PKD2L1: variants seen among roughly 807,000 people sequenced by gnomAD.
PKD2L1 encodes polycystin 2 like 1, transient receptor potential cation channel.
In PKD2L1, 77 loss-of-function variants were observed where a neutral mutation model predicts 93.0. The ratio of observed to expected loss-of-function variants is 0.83; its 90% CI spans 0.69 to 1.00. PKD2L1 has a LOEUF of 1.00. Among genes scored for constraint, PKD2L1 ranks in the 50% least tolerant of loss-of-function variants. PKD2L1 has a pLI of 0.00. For missense variants in PKD2L1, 977 were observed against 990.9 expected (o/e 0.99, Z 0.19); for synonymous variants, 390 against 388.0 (o/e 1.01, Z -0.06).
chr10:100,311,328 G>A (rs1848928508), intron 2 of PKD2L1, among the ~76,000 whole-genome samples: 1 of 152,040 alleles, frequency 6.6e-6, no homozygotes, highest in Non-Finnish European at 1.5e-5. Flanking sequence ...GTTCTTAATT[G>A]TAGTTCTAAC....
chr10:100,311,705 G>A (rs1271099250), intron 2 of PKD2L1, among the ~76,000 whole-genome samples: 2 of 152,102 alleles, frequency 1.3e-5, no homozygotes, highest in Non-Finnish European at 2.9e-5. Context: ...GAACACAGTT[G>A]TCCTTTCCAA....
In PKD2L1 at chr10:100,305,705, C is replaced by T. The variant is rs567538197; in HGVS notation, c.350-5987G>A. On this transcript the variant is annotated intron_variant, in intron 2 of 15. Transcript: ENST00000318222. ...TCAGTCTCTCTAATAAGTCATCCGT[C>T]GAGAGCATCAGATGGGCATCAGGCA... 3.3e-5 allele frequency among the ~76,000 whole-genome samples: 5 copies of T among 152,194 alleles called. No individual in the cohort carries two copies. The East Asian group carries it at 5.8e-4, about 18-fold the overall frequency.
chr10:100,297,731 T>A, intron 4 of PKD2L1, 125 bp from the exon 5 acceptor site: 1 of 620,092 alleles, frequency 1.6e-6, no homozygotes, highest in Admixed American at 2.8e-5. Flanking sequence ...TGTGTGTGTG[T>A]GTGTGTGTGT....
At chr10:100,289,568 A>T (rs1589657433) in intron 14 of PKD2L1, among the ~76,000 whole-genome samples, 2 of 151,974 alleles carry the variant, frequency 1.3e-5, no homozygotes, top group African/African-American at 2.4e-5. Flanking sequence ...ATAAAATAAA[A>T]AAATAAAATA....
At chr10:100,316,888 T>G (rs1849111268) in intron 2 of PKD2L1, among the ~76,000 whole-genome samples, 1 of 151,706 alleles carries the variant, frequency 6.6e-6, no homozygotes, top group Non-Finnish European at 1.5e-5. Context: ...GGAGTTCGAG[T>G]CCAGCCTGGG....
rs747494650 is a variant in PKD2L1, at chr10:100,291,396, G to A, written c.1912C>T (p.Leu638Phe). 4 of 1,613,948 alleles carry A rather than the reference G, an allele frequency of 2.5e-6. No homozygotes were observed. The African/African-American group carries it at 5.3e-5, about 22-fold the overall frequency. The change falls in exon 12 of 16, where the codon CTC becomes TTC. Residue 638 changes from leucine to phenylalanine, a missense_variant. Leu to Phe is a conservative substitution (Grantham distance 22). Transcript: ENST00000318222. ...TCAAACTTGGTGAAGGTGGCCGTGA[G>A]CTCAGTGATTTCATGCTCTGCGTGT... ...LGHAEHEITE[L>F]TATFTKFDRD...
intron 8 of PKD2L1, 57 bp downstream of exon 8, chr10:100,294,885 A>C: frequency 4.0e-6 from 6 of 1,493,496 alleles, no homozygotes; most frequent in Admixed American, 1.9e-5. Flanking sequence ...GGATACATAC[A>C]CCCGTGGAGC....
In PKD2L1 at chr10:100,293,878, A is replaced by C. The variant is rs550635842; in HGVS notation, c.1660-499T>G. 2.0e-5 allele frequency among the ~76,000 whole-genome samples: 3 copies of C among 152,328 alleles called. No homozygotes were observed. The East Asian group carries it at 5.8e-4, about 29-fold the overall frequency. On this transcript the variant is annotated intron_variant, in intron 9 of 15. Coordinates refer to ENST00000318222, the MANE Select transcript of PKD2L1 (RefSeq NM_016112.3). ...ATCCAGCACTTTGGGAGGCCAAGGC[A>C]GGCAGATTGCTTGAGTCCAGGAGTT...
In PKD2L1 at chr10:100,297,097, C is replaced by T. The variant is rs773937465; in HGVS notation, c.1068G>A (p.Glu356=). The change falls in exon 6 of 16, where the codon GAG becomes GAA. Residue 356 remains glutamate (E), a synonymous_variant. Transcript: ENST00000318222. ...AGAAGATGAAGACGCAGAAGATGAC[C>T]TCACAGCCAACGATAAAGAAGTCCC... ...SNWDFFIVGC[E]VIFCVFIFYY... 5.0e-6 allele frequency: 8 copies of T among 1,614,044 alleles called. No homozygotes were observed. The highest frequency in any genetic ancestry group is 6.8e-6 in the Non-Finnish European group (8 of 1,180,014).
chr10:100,297,299 G>A (rs555040024), intron 5 of PKD2L1, 83 bp downstream of exon 5: 795 of 1,537,864 alleles, frequency 5.2e-4, no homozygotes, highest in Admixed American at 7.6e-4. Context: ...CCACAGGGTA[G>A]GAGTTTAGGG....
At chr10:100,329,159 A>G in intron 2 of PKD2L1, 52 bp downstream of exon 2, 1 of 1,567,502 alleles carries the variant, frequency 6.4e-7, no homozygotes, top group Non-Finnish European at 8.8e-7. Flanking sequence ...CATATAGTGC[A>G]CACATAGATG....
At position 100,294,952 on chromosome 10, in the gene PKD2L1, T is replaced by G. The variant is rs1589661817; in HGVS notation, c.1528A>C (p.Ile510Leu). The part of the protein sequence containing the change: ...GTQVENFSTF[I>L]KCIFTQFRII... The stretch of plus-strand genomic sequence containing the variant: ...GGACAGGACACACACATGCACTTGA[T>G]GAAAGTGCTAAAGTTTTCCACTTGG... Residue 510 changes from isoleucine (I) to leucine (L), a missense_variant, in exon 8 of 16, where the codon ATC (isoleucine) becomes CTC (leucine). By Grantham distance (5) the Ile-to-Leu change is conservative. Coordinates refer to ENST00000318222, the MANE Select transcript of PKD2L1 (RefSeq NM_016112.3). The G allele has an allele frequency of 5.0e-6, 8 of 1,613,102 alleles. No homozygotes were observed. Among genetic ancestry groups the G allele is most frequent in the Middle Eastern group, 1.6e-4 (1 of 6,082 alleles).
intron 2 of PKD2L1, among the ~76,000 whole-genome samples, chr10:100,322,024 G>A (rs920324280): frequency 2.0e-5 from 3 of 151,622 alleles, no homozygotes; most frequent in South Asian, 2.1e-4. Context: ...CCAGGAGTTC[G>A]AGACCAGACT....
At chr10:100,324,733 C>T (rs981765754) in intron 2 of PKD2L1, among the ~76,000 whole-genome samples, 23 of 152,128 alleles carry the variant, frequency 1.5e-4, no homozygotes, top group Non-Finnish European at 2.9e-4. Flanking sequence ...GGTCACAAAG[C>T]CAGGAAGTAG....
At chr10:100,329,686 C>T (rs546047644) in intron 1 of PKD2L1, among the ~76,000 whole-genome samples, 183 bp downstream of exon 1, 11 of 152,314 alleles carry the variant, frequency 7.2e-5, no homozygotes, top group East Asian at 3.9e-4. Context: ...ACCGGTAGAC[C>T]GCTCAGCTGG....
Position 100,291,152 on chromosome 10 carries a change from A to T in PKD2L1, c.2007+149T>A, listed in dbSNP as rs192001783. On this transcript the variant is annotated intron_variant, in intron 12 of 15. Coordinates refer to ENST00000318222, the MANE Select transcript of PKD2L1 (RefSeq NM_016112.3). ...TTTAAAGGCCCCCCAGGGTATTCTAATGTGCAGCAGTTTGGGAACTACTAT... is the reference window on the plus strand; with the variant it reads ...TTTAAAGGCCCCCCAGGGTATTCTATTGTGCAGCAGTTTGGGAACTACTAT... 1.0e-5 allele frequency: 8 copies of T among 789,018 alleles called. No homozygotes were observed. In the East Asian group the frequency reaches 2.0e-4, roughly 20 times the overall value. 48.9% of individuals were successfully genotyped at this position (789,018 alleles called of 1,614,324 possible). A position where few individuals can be genotyped will look rare whatever the true frequency, so the allele number is the denominator to read the frequency against.
At chr10:100,312,401 AAAAC>A (rs1467823290) in intron 2 of PKD2L1, among the ~76,000 whole-genome samples, 2 of 152,214 alleles carry the variant, frequency 1.3e-5, no homozygotes, top group East Asian at 1.9e-4. Flanking sequence ...TGTTGAAGGA[AAAAC>A]AAACAGACTG....
intron 2 of PKD2L1, among the ~76,000 whole-genome samples, chr10:100,314,116 A>G (rs1380998919): frequency 1.3e-5 from 2 of 152,156 alleles, no homozygotes; most frequent in Non-Finnish European, 2.9e-5. Flanking sequence ...AACCACCATG[A>G]CTTGCCTGCA....
At chr10:100,324,863 T>G (rs1028010992) in intron 2 of PKD2L1, among the ~76,000 whole-genome samples, 11 of 152,200 alleles carry the variant, frequency 7.2e-5, no homozygotes, top group Non-Finnish European at 7.3e-5. Context: ...TCATGGGAAC[T>G]GACATGGAAA....
Sources: allele counts gnomAD v4.1 joint callset (sites outside exome capture counted in the v4.1 genomes callset), GRCh38; gene constraint gnomAD v4.1.1; transcripts MANE v1.5; gene names NCBI Gene and HGNC (gene_info 2026-07-23, HGNC 2026-07-21).